The following TENM2 variants were observed in gnomAD, a reference collection of about 807,000 sequenced individuals.
The protein encoded by TENM2 is teneurin transmembrane protein 2, also known as teneurin-2.
In TENM2, 52 loss-of-function variants were observed where a neutral mutation model predicts 245.2. That is an observed-to-expected ratio of 0.21 (90% CI 0.17 to 0.27). The LOEUF (loss-of-function observed/expected upper bound fraction) is 0.27. Ranked by LOEUF, TENM2 falls within the 10% of genes least tolerant of loss-of-function variation. The probability of loss-of-function intolerance (pLI) is 1.00; values close to 1 mark genes in which losing one functional copy is unlikely to be tolerated. For synonymous variants in TENM2, 1,363 were observed against 1,438.9 expected (o/e 0.95, Z 1.19); for missense variants, 3,046 against 3,666.8 (o/e 0.83, Z 4.37).
chr5:167,815,610 C>T (rs1270026807), intron 2 of TENM2, among the ~76,000 whole-genome samples: 1 of 152,126 alleles, frequency 6.6e-6, no homozygotes, highest in Admixed American at 6.6e-5. Flanking sequence ...AGTTTTGGTT[C>T]TATCCACAAC....
intron 2 of TENM2, among the ~76,000 whole-genome samples, chr5:167,408,014 T>C (rs2031900855): frequency 6.6e-6 from 1 of 152,200 alleles, no homozygotes; most frequent in Admixed American, 6.5e-5. Flanking sequence ...AATGAATTCA[T>C]CAAACTCTCA....
intron 2 of TENM2, among the ~76,000 whole-genome samples, chr5:167,638,472 G>A (rs1433770779): frequency 6.6e-6 from 1 of 152,068 alleles, no homozygotes; most frequent in East Asian, 1.9e-4. Flanking sequence ...GAAAACTACT[G>A]GGCTGAGCTT....
At chr5:167,357,339 G>C (rs1297195771) in intron 1 of TENM2, among the ~76,000 whole-genome samples, 2 of 144,922 alleles carry the variant, frequency 1.4e-5, no homozygotes, top group African/African-American at 5.2e-5. Context: ...CTGGAGTTCA[G>C]TGGCGCAATC....
At chr5:167,860,862 A>G (rs1278903324) in intron 2 of TENM2, among the ~76,000 whole-genome samples, 1 of 108,318 alleles carries the variant, frequency 9.2e-6, no homozygotes, top group African/African-American at 3.7e-5. Context: ...GTTAAGAGTC[A>G]TCACCAATCC....
chr5:167,258,563 C>T, the TENM2 span, among the ~76,000 whole-genome samples: 3 of 152,114 alleles, frequency 2.0e-5, no homozygotes, highest in African/African-American at 7.2e-5. Context: ...TTCTAGAAAA[C>T]ATTTTTGTTT....
chr5:166,981,193 C>G, the TENM2 span, among the ~76,000 whole-genome samples: 1 of 152,150 alleles, frequency 6.6e-6, no homozygotes, highest in Non-Finnish European at 1.5e-5. Flanking sequence ...TTCCTAAGAC[C>G]TAAAGCTTAT....
At chr5:167,380,879 G>C in intron 2 of TENM2, among the ~76,000 whole-genome samples, 1 of 152,090 alleles carries the variant, frequency 6.6e-6, no homozygotes, top group East Asian at 1.9e-4. Flanking sequence ...CTCTTTTTTT[G>C]CTTATTGTTC....
chr5:168,166,902 C>T (rs1025720246), intron 13 of TENM2, among the ~76,000 whole-genome samples: 1 of 152,010 alleles, frequency 6.6e-6, no homozygotes, highest in African/African-American at 2.4e-5. Flanking sequence ...GCCTTCTCAC[C>T]CCCTTGGCTT....
intron 1 of TENM2, among the ~76,000 whole-genome samples, chr5:167,353,353 T>C (rs1759057960): frequency 6.6e-6 from 1 of 151,762 alleles, no homozygotes; most frequent in Non-Finnish European, 1.5e-5. Context: ...GAAAGTTTAT[T>C]GCTTGAAATA....
intron 2 of TENM2, among the ~76,000 whole-genome samples, chr5:167,652,469 ATG>A (rs1252366843): frequency 6.6e-6 from 1 of 152,084 alleles, no homozygotes; most frequent in Non-Finnish European, 1.5e-5. Flanking sequence ...AGCTCCAAAT[ATG>A]TGCTCAGTCC....
intron 25 of TENM2, among the ~76,000 whole-genome samples, chr5:168,240,719 A>AT (rs1766015140): frequency 7.3e-6 from 1 of 136,466 alleles, no homozygotes; most frequent in Non-Finnish European, 1.7e-5. Flanking sequence ...ATGAGCAAAA[A>AT]GAAAAAAAAA....
At chr5:167,410,247 C>T (rs10039718) in intron 2 of TENM2, among the ~76,000 whole-genome samples, 4,221 of 152,052 alleles carry the variant, frequency 0.028, 198 homozygotes, top group African/African-American at 0.096. Flanking sequence ...TCAAAGCATT[C>T]AACTCTTTTC....
At chr5:167,860,060 G>T (rs1443892267) in intron 2 of TENM2, among the ~76,000 whole-genome samples, 1 of 95,516 alleles carries the variant, frequency 1.0e-5, no homozygotes, top group African/African-American at 3.6e-5. Flanking sequence ...AGGGAGGTGG[G>T]GGGGGGTCAG....
chr5:167,445,336 T>TATATATATATATATATATATATAG (rs368881390), intron 2 of TENM2, among the ~76,000 whole-genome samples: 1 of 77,316 alleles, frequency 1.3e-5, no homozygotes, highest in African/African-American at 5.6e-5. Flanking sequence ...TATATATATA[T>TATATATATATATATATATATATAG]AGAGAGAGAG....
chr5:167,845,230 C>A (rs1205272141), intron 2 of TENM2, among the ~76,000 whole-genome samples: 1 of 132,116 alleles, frequency 7.6e-6, no homozygotes, highest in African/African-American at 2.8e-5. Flanking sequence ...CGAGTCCCCC[C>A]CTCCCGCGCC....
chr5:167,469,760 A>G (rs1463901831), intron 2 of TENM2, among the ~76,000 whole-genome samples: 1 of 151,902 alleles, frequency 6.6e-6, no homozygotes, highest in African/African-American at 2.4e-5. Context: ...AAGACATGAG[A>G]TGAGGATTTT....
intron 3 of TENM2, among the ~76,000 whole-genome samples, chr5:167,930,039 C>T (rs773275826): frequency 7.9e-5 from 12 of 152,152 alleles, no homozygotes; most frequent in Non-Finnish European, 1.5e-4. Flanking sequence ...CTGGTACAAG[C>T]GGAACCCATA....
intron 25 of TENM2, among the ~76,000 whole-genome samples, chr5:168,243,402 C>A (rs1433357663): frequency 1.3e-5 from 2 of 152,182 alleles, no homozygotes; most frequent in Non-Finnish European, 2.9e-5. Flanking sequence ...AATCCCCTAG[C>A]CCTGCTGAGG....
At chr5:167,906,185 T>TA (rs546903263) in intron 3 of TENM2, among the ~76,000 whole-genome samples, 9 of 151,938 alleles carry the variant, frequency 5.9e-5, no homozygotes, top group East Asian at 3.9e-4. Flanking sequence ...GAGGTTATTT[T>TA]AAAAAAAATA....
Sources: allele counts gnomAD v4.1 joint callset (sites outside exome capture counted in the v4.1 genomes callset), GRCh38; gene constraint gnomAD v4.1.1; transcripts MANE v1.5; gene names NCBI Gene and HGNC (gene_info 2026-07-23, HGNC 2026-07-21).